Variants in CNTN5 observed in about 807,000 individuals in gnomAD.
CNTN5 encodes contactin 5, also known as contactin-5.
A neutral mutation model predicts 129.1 loss-of-function variants in CNTN5; 77 were observed. The observed-to-expected ratio is 0.60, with a 90% CI of 0.50 to 0.72. CNTN5 has a LOEUF of 0.72. Among genes scored for constraint, CNTN5 ranks in the 30% least tolerant of loss-of-function variants. CNTN5 has a pLI of 0.00. For synonymous variants in CNTN5, 509 were observed against 465.6 expected, an observed-to-expected ratio of 1.09 and a Z score of -1.20; for missense variants, 1,478 against 1,328.8, an observed-to-expected ratio of 1.11 and a Z score of -1.75.
intron 3 of CNTN5, among the ~76,000 whole-genome samples, chr11:99,677,926 T>C (rs1390493220): frequency 2.6e-5 from 4 of 152,134 alleles, no homozygotes; most frequent in African/African-American, 9.6e-5. Context: ...TTGCCCTTTT[T>C]ATTGGTAAAA....
intron 3 of CNTN5, among the ~76,000 whole-genome samples, chr11:99,803,337 C>A (rs2135488047): frequency 6.6e-6 from 1 of 152,314 alleles, no homozygotes; most frequent in Middle Eastern, 3.4e-3. Context: ...GCTGTAGTAG[C>A]TCTTCTCCCA....
chr11:100,215,315 A>C (rs1318054667), intron 15 of CNTN5, among the ~76,000 whole-genome samples: 2 of 152,172 alleles, frequency 1.3e-5, no homozygotes. Flanking sequence ...TATTGGCATA[A>C]AAAGTTACCA....
At chr11:99,742,864 A>G (rs557507430) in intron 3 of CNTN5, among the ~76,000 whole-genome samples, 5 of 152,272 alleles carry the variant, frequency 3.3e-5, no homozygotes, top group Middle Eastern at 6.8e-3. Context: ...CTTCCAGTCA[A>G]TGTTTTAGAG....
At chr11:99,245,815 T>G (rs1861786830) in intron 1 of CNTN5, among the ~76,000 whole-genome samples, 1 of 152,290 alleles carries the variant, frequency 6.6e-6, no homozygotes, top group South Asian at 2.1e-4. Flanking sequence ...CGGGACTGTC[T>G]TGCGTATCAC....
At position 100,097,450 on chromosome 11, in the gene CNTN5, A is replaced by AGAG. The variant is rs1256989498; in HGVS notation, c.1580+23157_1580+23159dup. ...GAAAAAGAATAAGTTTTCTGGATAC[A>AGAG]GAGTGTCATTGTGTCTATGTGAAGG... On this transcript the variant is annotated intron_variant, in intron 13 of 24. Transcript: ENST00000524871. Among the ~76,000 whole-genome samples, 10 of 152,172 alleles carry AGAG rather than the reference A, an allele frequency of 6.6e-5. No individual in the cohort carries two copies. The East Asian group carries it at 1.7e-3, about 26-fold the overall frequency.
intron 7 of CNTN5, among the ~76,000 whole-genome samples, chr11:99,949,708 C>T (rs1950630740): frequency 6.6e-6 from 1 of 152,102 alleles, no homozygotes; most frequent in Admixed American, 6.6e-5. Flanking sequence ...AGACACAGGG[C>T]TCCTGGGATA....
intron 13 of CNTN5, among the ~76,000 whole-genome samples, chr11:100,127,619 T>A (rs1481408509): frequency 1.3e-5 from 2 of 151,152 alleles, no homozygotes; most frequent in Non-Finnish European, 2.9e-5. Flanking sequence ...ATCTTAATGG[T>A]TCATAAACAG....
rs1160158338 is a variant in CNTN5, at chr11:99,147,505, A to G, written c.-210+126235A>G. Among the ~76,000 whole-genome samples the G allele has an allele frequency of 2.0e-5, 3 of 152,184 alleles. No homozygotes were observed. In the East Asian group the frequency reaches 5.8e-4, roughly 29 times the overall value. ...TGCAGCTAAATTTACTTGTTTTCTA[A>G]AAGAAAGAAGCTTTCAGGAGCAATG... On this transcript the variant is annotated intron_variant, in intron 1 of 24. Coordinates refer to ENST00000524871, the MANE Select transcript of CNTN5 (RefSeq NM_014361.4).
At chr11:99,574,872 A>C (rs1949293903) in intron 3 of CNTN5, among the ~76,000 whole-genome samples, 1 of 152,090 alleles carries the variant, frequency 6.6e-6, no homozygotes, top group South Asian at 2.1e-4. Context: ...TTGTCTGTTC[A>C]TTCTGATGAT....
At chr11:99,150,487 A>G (rs928164054) in intron 1 of CNTN5, among the ~76,000 whole-genome samples, 1 of 152,052 alleles carries the variant, frequency 6.6e-6, no homozygotes, top group Admixed American at 6.6e-5. Context: ...ACAAATAAAT[A>G]TATTACATAT....
At chr11:99,652,706 C>G (rs1251849423) in intron 3 of CNTN5, among the ~76,000 whole-genome samples, 1 of 151,920 alleles carries the variant, frequency 6.6e-6, no homozygotes, top group Non-Finnish European at 1.5e-5. Flanking sequence ...AGTTTGCAGT[C>G]GAAATACTAA....
chr11:99,118,132 A>G (rs1469785953), intron 1 of CNTN5, among the ~76,000 whole-genome samples: 3 of 152,208 alleles, frequency 2.0e-5, no homozygotes, highest in Admixed American at 6.5e-5. Flanking sequence ...CATAGAGTAG[A>G]TATATGTTTA....
intron 3 of CNTN5, among the ~76,000 whole-genome samples, chr11:99,732,945 G>A (rs561011093): frequency 2.0e-5 from 3 of 152,232 alleles, no homozygotes; most frequent in South Asian, 4.1e-4. Flanking sequence ...TTTGATTGGT[G>A]TGTCAGGCAT....
chr11:99,377,174 A>G (rs1940234188), intron 2 of CNTN5, among the ~76,000 whole-genome samples: 2 of 152,148 alleles, frequency 1.3e-5, no homozygotes. Flanking sequence ...GGAATGAAAC[A>G]GAGCTAGAAT....
chr11:100,288,561 G>A (rs1482824869), intron 18 of CNTN5, among the ~76,000 whole-genome samples: 5 of 151,952 alleles, frequency 3.3e-5, no homozygotes, highest in African/African-American at 4.8e-5. Context: ...TGAAACCAAC[G>A]AGAACAAAGA....
rs142761738 is a variant in CNTN5 at position 99,846,818 on chromosome 11, A to G, written c.577+1556A>G. On this transcript the variant is annotated intron_variant, in intron 6 of 24. Transcript: ENST00000524871. ...TGAAGAGTACCGAGATAGGTCCTAG[A>G]AAAATGTAAATATCATATTTTAAAG... Among the ~76,000 whole-genome samples the G allele has an allele frequency of 6.2e-3, 951 of 152,292 alleles. 6 individuals are homozygous for G. The highest frequency in any genetic ancestry group is 0.021 in the African/African-American group (858 of 41,554).
At chr11:99,092,678 T>C (rs953620933) in intron 1 of CNTN5, among the ~76,000 whole-genome samples, 2 of 152,072 alleles carry the variant, frequency 1.3e-5, no homozygotes, top group Non-Finnish European at 2.9e-5. Flanking sequence ...ATGATACTTA[T>C]GTACATCTAC....
chr11:100,091,424 C>CTTTTTTTTTTTTTTTTTTTTTTTTT (rs60075209), intron 13 of CNTN5, among the ~76,000 whole-genome samples: 3 of 114,442 alleles, frequency 2.6e-5, no homozygotes, highest in Admixed American at 9.3e-5. Flanking sequence ...TTTATTTATT[C>CTTTTTTTTTTTTTTTTTTTTTTTTT]TTTTTTTTTT....
At chr11:99,072,479 A>G (rs1865377931) in intron 1 of CNTN5, among the ~76,000 whole-genome samples, 1 of 152,092 alleles carries the variant, frequency 6.6e-6, no homozygotes, top group Non-Finnish European at 1.5e-5. Flanking sequence ...GATTAATTTG[A>G]AGGACATAAT....
Sources: gnomAD v4.1 joint callset for allele counts (sites outside exome capture counted in the v4.1 genomes callset) on GRCh38, gnomAD v4.1.1 for gene constraint, MANE v1.5 for transcripts, NCBI Gene and HGNC (gene_info 2026-07-23, HGNC 2026-07-21) for gene names.